The following LHFPL3 variants were observed in gnomAD, a reference collection of about 807,000 sequenced individuals.
LHFPL3 encodes the protein LHFPL tetraspan subfamily member 3 protein.
In LHFPL3, 5 loss-of-function variants were observed where a neutral mutation model predicts 19.3. The observed-to-expected ratio is 0.26, with a 90% CI of 0.14 to 0.54. The LOEUF is 0.54. Ranked by LOEUF, LHFPL3 falls within the 20% of genes least tolerant of loss-of-function variation. LHFPL3 has a pLI of 0.94. For missense variants in LHFPL3, 249 were observed against 307.4 expected, an observed-to-expected ratio of 0.81 and a Z score of 1.42; for synonymous variants, 133 against 126.2, an observed-to-expected ratio of 1.05 and a Z score of -0.36.
At chr7:104,826,435 G>C (rs1440730292) in intron 2 of LHFPL3, 1 of 162,490 alleles carries the variant, frequency 6.2e-6, no homozygotes, top group East Asian at 1.9e-4. Flanking sequence ...CCCCTAGGCA[G>C]AGGCCCAGAG....
At chr7:104,559,562 A>C (rs1252451670) in intron 1 of LHFPL3, among the ~76,000 whole-genome samples, 1 of 151,950 alleles carries the variant, frequency 6.6e-6, no homozygotes, top group Non-Finnish European at 1.5e-5. Flanking sequence ...GTTGCTTATC[A>C]GCTTAAGGAG....
chr7:104,622,994 C>G (rs1791476856), intron 1 of LHFPL3: 1 of 370,956 alleles, frequency 2.7e-6, no homozygotes, highest in Non-Finnish European at 5.6e-6. Context: ...GGAGGATGCT[C>G]TCATTGTAAT....
intron 2 of LHFPL3, among the ~76,000 whole-genome samples, chr7:104,737,226 T>C (rs1404065965): frequency 6.6e-6 from 1 of 152,144 alleles, no homozygotes; most frequent in Non-Finnish European, 1.5e-5. Context: ...GGCTAAGATG[T>C]AACTGTGGGT....
intron 1 of LHFPL3, among the ~76,000 whole-genome samples, chr7:104,452,877 A>G (rs952011684): frequency 1.3e-5 from 2 of 152,206 alleles, no homozygotes; most frequent in African/African-American, 4.8e-5. Flanking sequence ...GGTAAATTAA[A>G]ATTCATCCAT....
chr7:104,440,336 T>G (rs2116579561), intron 1 of LHFPL3, among the ~76,000 whole-genome samples: 1 of 151,948 alleles, frequency 6.6e-6, no homozygotes, highest in East Asian at 1.9e-4. Context: ...ACACTGCATG[T>G]TCTCACTCAT....
At chr7:104,378,160 A>G (rs539412120) in intron 1 of LHFPL3, among the ~76,000 whole-genome samples, 15 of 152,320 alleles carry the variant, frequency 9.8e-5, no homozygotes, top group African/African-American at 3.4e-4. Context: ...TATGAGGTAC[A>G]TGAGGTACCT....
chr7:104,798,286 A>T (rs1416359040), intron 2 of LHFPL3: 1 of 152,242 alleles, frequency 6.6e-6, no homozygotes, highest in Non-Finnish European at 1.5e-5. Flanking sequence ...ACATTCTGTT[A>T]AGTATTTTAA....
chr7:104,579,271 A>T (rs1207092093), intron 1 of LHFPL3, among the ~76,000 whole-genome samples: 2 of 152,144 alleles, frequency 1.3e-5, no homozygotes, highest in African/African-American at 2.4e-5. Context: ...AATAGTGAAC[A>T]TAGTACCCAA....
intron 1 of LHFPL3, among the ~76,000 whole-genome samples, chr7:104,521,019 A>T (rs1343704556): frequency 6.6e-6 from 1 of 151,590 alleles, no homozygotes; most frequent in East Asian, 1.9e-4. Context: ...TAGCTTTTCT[A>T]GTTCTTTTAA....
intron 1 of LHFPL3, among the ~76,000 whole-genome samples, chr7:104,606,893 G>A (rs981094033): frequency 2.0e-5 from 3 of 152,028 alleles, no homozygotes; most frequent in African/African-American, 7.2e-5. Flanking sequence ...GTGAGGCTAC[G>A]GGATCCGTTG....
chr7:104,846,019 C>T (rs953218474), intron 2 of LHFPL3, among the ~76,000 whole-genome samples: 28 of 152,290 alleles, frequency 1.8e-4, no homozygotes, highest in African/African-American at 6.0e-4. Context: ...GATGGAAACA[C>T]GTATATATGT....
At chr7:104,835,860 C>T (rs1031113905) in intron 2 of LHFPL3, among the ~76,000 whole-genome samples, 7 of 151,830 alleles carry the variant, frequency 4.6e-5, no homozygotes, top group Admixed American at 3.9e-4. Flanking sequence ...CACTTATGAA[C>T]CTGTCACCAA....
At chr7:104,340,401 A>C (rs571524823) in intron 1 of LHFPL3, among the ~76,000 whole-genome samples, 4 of 152,284 alleles carry the variant, frequency 2.6e-5, no homozygotes, top group African/African-American at 9.6e-5. Context: ...CTTTAAATAA[A>C]ATATATTTTC....
At chr7:104,338,863 C>G (rs986000070) in intron 1 of LHFPL3, among the ~76,000 whole-genome samples, 1 of 152,162 alleles carries the variant, frequency 6.6e-6, no homozygotes, top group African/African-American at 2.4e-5. Flanking sequence ...AAGTATTTAA[C>G]CTTGTGTCAA....
chr7:104,362,711 T>C (rs1790409938), intron 1 of LHFPL3, among the ~76,000 whole-genome samples: 1 of 152,200 alleles, frequency 6.6e-6, no homozygotes, highest in South Asian at 2.1e-4. Flanking sequence ...AGACCAGAGT[T>C]TTATTATTAC....
At chr7:104,368,679 GT>G (rs775868830) in intron 1 of LHFPL3, among the ~76,000 whole-genome samples, 1 of 144,930 alleles carries the variant, frequency 6.9e-6, no homozygotes, top group Non-Finnish European at 1.5e-5. Context: ...GTGTGTGTGT[GT>G]TGTTTTGTTT....
chr7:104,875,361 C>G (rs1448352791), intron 2 of LHFPL3, among the ~76,000 whole-genome samples: 1 of 152,158 alleles, frequency 6.6e-6, no homozygotes. Flanking sequence ...CTCCAGCCAC[C>G]CTCTATCCAT....
intron 1 of LHFPL3, among the ~76,000 whole-genome samples, chr7:104,627,230 C>T (rs1791561798): frequency 6.6e-6 from 1 of 152,196 alleles, no homozygotes; most frequent in Non-Finnish European, 1.5e-5. Context: ...CGGTATTTGA[C>T]TTTCTGTGCC....
At chr7:104,769,537 C>G (rs1165159316) in intron 2 of LHFPL3, among the ~76,000 whole-genome samples, 2 of 152,088 alleles carry the variant, frequency 1.3e-5, no homozygotes, top group African/African-American at 4.8e-5. Context: ...TATACACGTG[C>G]CATGGTGGTT....
Sources: allele counts gnomAD v4.1 joint callset (sites outside exome capture counted in the v4.1 genomes callset), GRCh38; gene constraint gnomAD v4.1.1; transcripts MANE v1.5; gene names NCBI Gene and HGNC (gene_info 2026-07-23, HGNC 2026-07-21).